The following ANO10 variants were observed in gnomAD, a reference collection of about 807,000 sequenced individuals.
The protein encoded by ANO10 is anoctamin-10.
In ANO10, 77 loss-of-function variants were observed where a neutral mutation model predicts 74.7. The ratio of observed to expected loss-of-function variants is 1.03; its 90% CI spans 0.86 to 1.25. The LOEUF is 1.25. ANO10 is among the 50% of genes most tolerant of loss of function. The probability of loss-of-function intolerance (pLI) is 0.00; values close to 1 mark genes in which losing one functional copy is unlikely to be tolerated. For synonymous variants in ANO10, 279 were observed against 284.9 expected (o/e 0.98, Z 0.21); for missense variants, 721 against 778.1 (o/e 0.93, Z 0.87).
chr3:43,384,647 A>G (rs1031848482), intron 12 of ANO10, among the ~76,000 whole-genome samples: 11 of 152,218 alleles, frequency 7.2e-5, no homozygotes, highest in Non-Finnish European at 1.5e-4. Context: ...ATTTTCGACA[A>G]AGCAAACAAA....
rs191470563 is a variant in ANO10, at chr3:43,417,355, G to A, written c.1914+15256C>T. ...AGTTTATTTGCATAATAACATTAGG[G>A]TGGGGCGACCAGCCTTCCCCACGGC... On this transcript the variant is annotated intron_variant, in intron 12 of 12. Coordinates refer to ENST00000292246, the MANE Select transcript of ANO10 (RefSeq NM_018075.5). Among the ~76,000 whole-genome samples the A allele has an allele frequency of 1.9e-3, 282 of 152,262 alleles. 1 individual carries two copies. The highest frequency in any genetic ancestry group is 4.9e-3 in the African/African-American group (204 of 41,552).
At chr3:43,539,711 T>TA (rs2149273601) in intron 11 of ANO10, among the ~76,000 whole-genome samples, 1 of 152,354 alleles carries the variant, frequency 6.6e-6, no homozygotes, top group South Asian at 2.1e-4. Context: ...TATGGATACA[T>TA]ATGATGTTCT....
At chr3:43,594,208 A>G (rs2081960519) in intron 4 of ANO10, among the ~76,000 whole-genome samples, 1 of 152,240 alleles carries the variant, frequency 6.6e-6, no homozygotes, top group Non-Finnish European at 1.5e-5. Context: ...TCCACGAGAC[A>G]GAAAGTTAAC....
intron 10 of ANO10, among the ~76,000 whole-genome samples, chr3:43,552,716 ATATATATATATATGTATGTATGTATG>A (rs1421822908): frequency 8.2e-5 from 11 of 134,908 alleles, no homozygotes; most frequent in African/African-American, 3.3e-4. Context: ...ATATATATAT[ATATATATATATATGTATGTATGTATG>A]TATGTATGTA....
intron 11 of ANO10, among the ~76,000 whole-genome samples, chr3:43,545,346 T>C (rs942780651): frequency 6.6e-6 from 1 of 152,142 alleles, no homozygotes; most frequent in African/African-American, 2.4e-5. Context: ...AACATGTTAA[T>C]TGACCCAATG....
chr3:43,639,515 A>G (rs1045691723), intron 1 of ANO10, among the ~76,000 whole-genome samples: 1 of 152,244 alleles, frequency 6.6e-6, no homozygotes, highest in Non-Finnish European at 1.5e-5. Flanking sequence ...CTGTAATCCC[A>G]GCACTCTGGG....
At chr3:43,400,897 A>G (rs2092468738) in intron 12 of ANO10, among the ~76,000 whole-genome samples, 2 of 152,244 alleles carry the variant, frequency 1.3e-5, no homozygotes, top group Admixed American at 6.5e-5. Context: ...TATAAGCCAC[A>G]GGTCAAGTAG....
chr3:43,639,320 G>A (rs942594329), intron 1 of ANO10, among the ~76,000 whole-genome samples: 1 of 152,184 alleles, frequency 6.6e-6, no homozygotes, highest in African/African-American at 2.4e-5. Context: ...GAGATCAGAT[G>A]ACTCAGCCAG....
chr3:43,435,193 T>C (rs938140082), intron 11 of ANO10, among the ~76,000 whole-genome samples: 1 of 152,146 alleles, frequency 6.6e-6, no homozygotes, highest in Admixed American at 6.6e-5. Context: ...CTTTTTAAAC[T>C]GAAGTCCAAG....
intron 11 of ANO10, among the ~76,000 whole-genome samples, chr3:43,494,560 T>C (rs1377779417): frequency 2.0e-5 from 3 of 152,020 alleles, no homozygotes; most frequent in Non-Finnish European, 4.4e-5. Context: ...CAAGAAAAAC[T>C]AACAACCAAT....
At chr3:43,600,674 A>G in intron 2 of ANO10, 93 bp from the exon 3 acceptor site, 3 of 1,077,040 alleles carry the variant, frequency 2.8e-6, no homozygotes, top group Non-Finnish European at 1.4e-6. Flanking sequence ...CTAGTCTGGT[A>G]GAAGAAAAAG....
chr3:43,690,002 A>T (rs1442729268), intron 1 of ANO10: 1 of 152,242 alleles, frequency 6.6e-6, no homozygotes, highest in African/African-American at 2.4e-5. Context: ...CAGGTCAAGA[A>T]ATACTGCTAT....
At chr3:43,434,077 G>A (rs2093031246) in intron 11 of ANO10, among the ~76,000 whole-genome samples, 1 of 152,176 alleles carries the variant, frequency 6.6e-6, no homozygotes, top group South Asian at 2.1e-4. Flanking sequence ...ATGAAATAGT[G>A]AAGGAAATCA....
At chr3:43,644,103 T>C (rs769883925) in intron 1 of ANO10, among the ~76,000 whole-genome samples, 3 of 152,196 alleles carry the variant, frequency 2.0e-5, no homozygotes, top group Non-Finnish European at 4.4e-5. Flanking sequence ...TTTGTTTGTT[T>C]GTTTGTTTTT....
intron 1 of ANO10, among the ~76,000 whole-genome samples, chr3:43,648,731 C>A (rs1185704110): frequency 6.9e-6 from 1 of 144,852 alleles, no homozygotes; most frequent in Non-Finnish European, 1.5e-5. Context: ...GGCTGGAGTG[C>A]AGTGGCGTGA....
intron 11 of ANO10, among the ~76,000 whole-genome samples, chr3:43,434,612 C>T (rs2093039289): frequency 6.6e-6 from 1 of 152,128 alleles, no homozygotes; most frequent in Non-Finnish European, 1.5e-5. Context: ...AAATCTGTAC[C>T]CATTTCCTCT....
intron 11 of ANO10, among the ~76,000 whole-genome samples, chr3:43,522,674 G>A (rs1191144361): frequency 6.6e-6 from 1 of 152,214 alleles, no homozygotes; most frequent in African/African-American, 2.4e-5. Context: ...TCTGGGCAAA[G>A]AAGAGGTTGG....
At chr3:43,559,148 T>C (rs887692396) in intron 9 of ANO10, among the ~76,000 whole-genome samples, 1 of 152,178 alleles carries the variant, frequency 6.6e-6, no homozygotes, top group Admixed American at 6.5e-5. Context: ...TCCCTCACCG[T>C]CCTTCATAAA....
intron 1 of ANO10, chr3:43,690,927 C>CT: frequency 6.6e-7 from 1 of 1,510,222 alleles, no homozygotes; most frequent in Non-Finnish European, 8.8e-7. Flanking sequence ...CGCGCCAGCC[C>CT]GGGGCGGCCC....
Sources: allele counts gnomAD v4.1 joint callset (sites outside exome capture counted in the v4.1 genomes callset), GRCh38; gene constraint gnomAD v4.1.1; transcripts MANE v1.5; gene names NCBI Gene and HGNC (gene_info 2026-07-23, HGNC 2026-07-21).